The following MAN2A1 variants were observed in gnomAD, a reference collection of about 807,000 sequenced individuals.
The protein encoded by MAN2A1 is mannosidase alpha class 2A member 1, also known as alpha-mannosidase 2.
MAN2A1 carries 76 observed loss-of-function variants against 142.6 expected under a neutral mutation model. That is an observed-to-expected ratio of 0.53 (90% CI 0.44 to 0.65). The LOEUF (loss-of-function observed/expected upper bound fraction) is 0.65. Ranked by LOEUF, MAN2A1 falls within the 30% of genes least tolerant of loss-of-function variation. The pLI, the probability that MAN2A1 is intolerant of heterozygous loss-of-function variation, is 0.00. For missense variants in MAN2A1, 1,311 were observed against 1,365.1 expected, an observed-to-expected ratio of 0.96 and a Z score of 0.62; for synonymous variants, 559 against 473.2, an observed-to-expected ratio of 1.18 and a Z score of -2.35.
intron 20 of MAN2A1, among the ~76,000 whole-genome samples, chr5:109,856,991 AG>A (rs1755639525): frequency 6.6e-6 from 1 of 152,230 alleles, no homozygotes; most frequent in Non-Finnish European, 1.5e-5. Flanking sequence ...AGGAGTAAAA[AG>A]GGAACAGCCA....
intron 1 of MAN2A1, among the ~76,000 whole-genome samples, chr5:109,699,016 G>T (rs1466263375): frequency 6.6e-6 from 1 of 152,044 alleles, no homozygotes; most frequent in African/African-American, 2.4e-5. Context: ...AAGAGATGAA[G>T]AATTTAACTC....
chr5:109,785,230 C>T (rs1278777297), intron 10 of MAN2A1, among the ~76,000 whole-genome samples: 1 of 152,104 alleles, frequency 6.6e-6, no homozygotes, highest in Non-Finnish European at 1.5e-5. Context: ...GAGTTATCTT[C>T]TTGACCAAGG....
chr5:109,720,637 G>A (rs566345350), intron 3 of MAN2A1, among the ~76,000 whole-genome samples: 3 of 151,916 alleles, frequency 2.0e-5, no homozygotes, highest in East Asian at 3.9e-4. Flanking sequence ...AATTGTCTTG[G>A]GCCACACATA....
intron 4 of MAN2A1, among the ~76,000 whole-genome samples, chr5:109,737,527 T>C (rs1752139142): frequency 6.6e-6 from 1 of 152,088 alleles, no homozygotes; most frequent in Non-Finnish European, 1.5e-5. Flanking sequence ...GTTTGTAGAA[T>C]ATAGAGTTTG....
chr5:109,825,699 C>G (rs1254178103), intron 16 of MAN2A1, among the ~76,000 whole-genome samples: 4 of 151,864 alleles, frequency 2.6e-5, no homozygotes, highest in Non-Finnish European at 5.9e-5. Flanking sequence ...GTCATTTTTC[C>G]TTTCCCCCTC....
intron 20 of MAN2A1, among the ~76,000 whole-genome samples, chr5:109,861,655 T>C (rs960244475): frequency 6.6e-6 from 1 of 152,176 alleles, no homozygotes; most frequent in Non-Finnish European, 1.5e-5. Flanking sequence ...CCTAGAGATA[T>C]GATAGATAAC....
At chr5:109,845,273 A>G (rs1323891544) in intron 17 of MAN2A1, among the ~76,000 whole-genome samples, 1 of 152,190 alleles carries the variant, frequency 6.6e-6, no homozygotes, top group African/African-American at 2.4e-5. Context: ...TCATATTTCA[A>G]ACATTCAGGT....
chr5:109,816,789 G>A (rs996691803), intron 12 of MAN2A1, among the ~76,000 whole-genome samples: 1 of 152,066 alleles, frequency 6.6e-6, no homozygotes, highest in Non-Finnish European at 1.5e-5. Context: ...GTACAGAAAA[G>A]CTTTATTACA....
rs546683021 is a variant in MAN2A1, at chr5:109,816,753, C to T, written c.1944-520C>T. Among the ~76,000 whole-genome samples the T allele has an allele frequency of 8.6e-5, 13 of 152,020 alleles. No homozygotes were observed. In the East Asian group the frequency reaches 1.5e-3, roughly 18 times the overall value. On this transcript the variant is annotated intron_variant, in intron 12 of 21. Coordinates refer to ENST00000261483, the MANE Select transcript of MAN2A1 (RefSeq NM_002372.4). Reference sequence around the variant, plus strand: ...ATTCTTTTAAACAGATGAATAAAACCGTATTTATATAAGTCTTTTTCTGGG... The same window carrying T: ...ATTCTTTTAAACAGATGAATAAAACTGTATTTATATAAGTCTTTTTCTGGG...
intron 19 of MAN2A1, among the ~76,000 whole-genome samples, chr5:109,852,208 CCA>C (rs1755501246): frequency 6.6e-6 from 1 of 151,666 alleles, no homozygotes; most frequent in African/African-American, 2.4e-5. Context: ...CAAATCTGCC[CCA>C]CAGTCTTCAG....
chr5:109,820,767 C>T (rs893850814), intron 15 of MAN2A1, among the ~76,000 whole-genome samples: 7 of 152,162 alleles, frequency 4.6e-5, no homozygotes, highest in Non-Finnish European at 7.4e-5. Flanking sequence ...CACGCCACTG[C>T]ACTCCAGCCT....
chr5:109,808,279 A>G (rs1391344760), intron 12 of MAN2A1, among the ~76,000 whole-genome samples: 2 of 152,192 alleles, frequency 1.3e-5, no homozygotes, highest in African/African-American at 4.8e-5. Context: ...TTTTCTAATA[A>G]ACACGTAACT....
chr5:109,758,093 A>C (rs1752738014), intron 5 of MAN2A1, among the ~76,000 whole-genome samples: 1 of 152,146 alleles, frequency 6.6e-6, no homozygotes, highest in African/African-American at 2.4e-5. Context: ...ATTTTGAGAA[A>C]CTGTCAAACT....
At chr5:109,791,484 AG>A (rs1753735767) in intron 12 of MAN2A1, among the ~76,000 whole-genome samples, 1 of 152,024 alleles carries the variant, frequency 6.6e-6, no homozygotes, top group Non-Finnish European at 1.5e-5. Context: ...TTAAATTGGA[AG>A]CCTTAGAGGT....
Position 109,726,463 on chromosome 5 carries a change from G to A in MAN2A1, c.536-2879G>A, listed in dbSNP as rs112674001. On this transcript the variant is annotated intron_variant, in intron 3 of 21. Coordinates refer to ENST00000261483, the MANE Select transcript of MAN2A1 (RefSeq NM_002372.4). ...CATTCTTCATTAATTATGCTGTATG[G>A]TGGTGATATCAGTATGAGTTTTATG... Among the ~76,000 whole-genome samples the A allele has an allele frequency of 5.6e-4, 85 of 152,252 alleles. 1 individual carries two copies. The highest frequency in any genetic ancestry group is 1.9e-3 in the African/African-American group (79 of 41,558).
intron 4 of MAN2A1, among the ~76,000 whole-genome samples, chr5:109,746,147 G>T (rs992321053): frequency 1.3e-5 from 2 of 152,020 alleles, no homozygotes; most frequent in African/African-American, 4.8e-5. Flanking sequence ...GCTAATTTTT[G>T]TATTTTTTGT....
chr5:109,767,595 A>G lies in MAN2A1; in HGVS notation c.896A>G (p.Tyr299Cys). The change falls in exon 6 of 22, where the codon TAT becomes TGT. Residue 299 changes from tyrosine (Y) to cysteine (C), a missense_variant. Physicochemically the swap from Tyr to Cys is radical, Grantham distance 194 (BLOSUM62 -2). This residue lies in a region of MAN2A1 where 409 missense variants were observed against 412.7 expected (regional missense o/e 0.99). Transcript: ENST00000261483. ...TTTGGACACTCACCAACAATGGCTT[A>G]TCTTCTAAACCGTGCTGGACTTTCT... The part of the protein sequence containing the change: ...DPFGHSPTMA[Y>C]LLNRAGLSHM... The G allele has an allele frequency of 6.2e-7, 1 of 1,613,828 alleles. No homozygotes were observed. Among genetic ancestry groups the G allele is most frequent in the Non-Finnish European group, 8.5e-7 (1 of 1,179,758 alleles).
chr5:109,822,419 A>T (rs1011417357), intron 15 of MAN2A1, among the ~76,000 whole-genome samples: 1 of 152,138 alleles, frequency 6.6e-6, no homozygotes. Context: ...AATAGCTCTA[A>T]TGTCAGATAG....
chr5:109,723,225 A>C (rs911798869), intron 3 of MAN2A1, among the ~76,000 whole-genome samples: 1 of 152,206 alleles, frequency 6.6e-6, no homozygotes. Flanking sequence ...GGATTCAAAA[A>C]ATGATCTCTC....
Sources: gnomAD v4.1 joint callset for allele counts (sites outside exome capture counted in the v4.1 genomes callset) on GRCh38, gnomAD v4.1.1 for gene constraint, gnomAD v4.1.1 regional missense constraint, MANE v1.5 for transcripts, NCBI Gene and HGNC (gene_info 2026-07-23, HGNC 2026-07-21) for gene names.